RBM44: variants seen among roughly 807,000 people sequenced by gnomAD.
The protein encoded by RBM44 is RNA binding motif protein 44.
RBM44 carries 66 observed loss-of-function variants against 105.1 expected under a neutral mutation model. That is an observed-to-expected ratio of 0.63 (90% CI 0.52 to 0.77). RBM44 has a LOEUF of 0.77. Ranked by LOEUF, RBM44 falls within the 30% of genes least tolerant of loss-of-function variation. The pLI is 0.00. For synonymous variants in RBM44, 365 were observed against 417.6 expected (o/e 0.87, Z 1.54); for missense variants, 1,122 against 1,207.8 (o/e 0.93, Z 1.05).
intron 10 of RBM44, among the ~76,000 whole-genome samples, chr2:237,826,303 T>C (rs2061847215): frequency 6.6e-6 from 1 of 152,160 alleles, no homozygotes; most frequent in African/African-American, 2.4e-5. Flanking sequence ...TGCTAGTAAT[T>C]TGAATCTCTA....
Position 237,817,921 on chromosome 2 carries a change from A to C in RBM44, c.1002A>C (p.Gln334His). The C allele has an allele frequency of 6.3e-7, 1 of 1,598,682 alleles. No homozygotes were observed. Among genetic ancestry groups the C allele is most frequent in the South Asian group, 1.1e-5 (1 of 88,726 alleles). Residue 334 changes from glutamine to histidine, a missense_variant, in exon 3 of 16, where the codon CAA becomes CAC. Physicochemically the swap from Gln to His is conservative, Grantham distance 24. This residue lies in a region of RBM44 where 918 missense variants were observed against 955.3 expected (regional missense o/e 0.96). Transcript: ENST00000316997. ...MKIYTENMKS[Q>H]INEGKDFCGN... ...TTTATACTGAAAACATGAAATCTCAAATAAATGAAGGTAAAGATTTTTGTG... is the reference window on the plus strand; with the variant it reads ...TTTATACTGAAAACATGAAATCTCACATAAATGAAGGTAAAGATTTTTGTG...
Position 237,818,480 on chromosome 2 carries a change from A to C in RBM44, c.1561A>C (p.Ser521Arg). The C allele has an allele frequency of 6.2e-7, 1 of 1,612,750 alleles. No homozygotes were observed. Among genetic ancestry groups the C allele is most frequent in the Non-Finnish European group, 8.5e-7 (1 of 1,179,302 alleles). Residue 521 changes from serine (S) to arginine (R), a missense_variant, in exon 3 of 16, where the codon AGT (serine) becomes CGT (arginine). This residue lies in a region of RBM44 where 918 missense variants were observed against 955.3 expected (regional missense o/e 0.96). Coordinates refer to ENST00000316997, the MANE Select transcript of RBM44 (RefSeq NM_001080504.3). The surrounding 1 kb of genome is among the most constrained non-coding windows in gnomAD (Gnocchi z 4.6). ...QNEKQKSVAC[S>R]TDWSYSEDCI... is the part of the protein sequence containing the mutation. ...TGAGAAACAAAAAAGTGTGGCTTGT[A>C]GTACAGATTGGTCATACAGTGAAGA...
chr2:237,829,066 C>A, intron 12 of RBM44, 151 bp from the exon 13 acceptor site: 1 of 538,650 alleles, frequency 1.9e-6, no homozygotes, highest in South Asian at 3.0e-5. Context: ...AATAAATATT[C>A]TTCTTAATCC....
In RBM44 at chr2:237,818,481, G is replaced by A; in HGVS notation, c.1562G>A (p.Ser521Asn). Residue 521 changes from serine (S) to asparagine (N), a missense_variant, in exon 3 of 16, where the codon AGT (serine) becomes AAT (asparagine). Coordinates refer to ENST00000316997, the MANE Select transcript of RBM44 (RefSeq NM_001080504.3). The surrounding 1 kb of genome is among the most constrained non-coding windows in gnomAD (Gnocchi z 4.6). Reference sequence around the variant, plus strand: ...GAGAAACAAAAAAGTGTGGCTTGTAGTACAGATTGGTCATACAGTGAAGAT... The same window carrying A: ...GAGAAACAAAAAAGTGTGGCTTGTAATACAGATTGGTCATACAGTGAAGAT... Reference protein sequence around the residue: ...QNEKQKSVACSTDWSYSEDCI... With the variant: ...QNEKQKSVACNTDWSYSEDCI... 5.0e-6 allele frequency: 8 copies of A among 1,612,636 alleles called. No homozygotes were observed. The highest frequency in any genetic ancestry group is 6.8e-6 in the Non-Finnish European group (8 of 1,179,284).
At position 237,818,219 on chromosome 2, in the gene RBM44, C is replaced by T. The variant is rs781030311; in HGVS notation, c.1300C>T (p.His434Tyr). 1 of 1,613,198 alleles carries T rather than the reference C, an allele frequency of 6.2e-7. No homozygotes were observed. Among genetic ancestry groups the T allele is most frequent in the South Asian group, 1.1e-5 (1 of 91,042 alleles). The change falls in exon 3 of 16, where the codon CAT becomes TAT. Residue 434 changes from histidine to tyrosine, a missense_variant. Coordinates refer to ENST00000316997, the MANE Select transcript of RBM44 (RefSeq NM_001080504.3). The surrounding 1 kb of genome is among the most constrained non-coding windows in gnomAD (Gnocchi z 4.6). Reference protein sequence around the residue: ...IEDNTSLKVAHSSTTKKTCFH... With the variant: ...IEDNTSLKVAYSSTTKKTCFH... ...AGATAATACGTCCCTAAAAGTTGCTCATAGCAGTACCACAAAGAAAACATG... is the reference window on the plus strand; with the variant it reads ...AGATAATACGTCCCTAAAAGTTGCTTATAGCAGTACCACAAAGAAAACATG...
rs200368198 is a variant in RBM44, at chr2:237,820,293, C to T, written c.1855C>T (p.Arg619Cys). 82 of 1,602,736 alleles carry T rather than the reference C, an allele frequency of 5.1e-5. No individual in the cohort carries two copies. In the East Asian group the frequency reaches 1.1e-3, roughly 22 times the overall value. The stretch of plus-strand genomic sequence containing the variant: ...TTTAAATGTTCACTATCAGATGTGT[C>T]GTCGCCATTGTTGTGATATTTACAA... Reference protein sequence around the residue: ...HLLNVHYQMCRRHCCDIYKLV... With the variant: ...HLLNVHYQMCCRHCCDIYKLV... Residue 619 changes from arginine (R) to cysteine (C), a missense_variant, in exon 5 of 16, where the codon CGT becomes TGT. Arg to Cys is a radical substitution (Grantham distance 180). Coordinates refer to ENST00000316997, the MANE Select transcript of RBM44 (RefSeq NM_001080504.3).
Position 237,813,582 on chromosome 2 carries a change from C to T in RBM44, c.-18-10C>T, listed in dbSNP as rs1271654258. On this transcript the variant is annotated splice_polypyrimidine_tract_variant and intron_variant, in intron 1 of 15. Coordinates refer to ENST00000316997, the MANE Select transcript of RBM44 (RefSeq NM_001080504.3). ...GTATAATAATAGTTCAATATTTATA[C>T]CTTTTCTAGATTATATATCTTTGAA... 2 of 1,437,786 alleles carry T rather than the reference C, an allele frequency of 1.4e-6. No homozygotes were observed. Among genetic ancestry groups the T allele is most frequent in the African/African-American group, 1.4e-5 (1 of 71,118 alleles). 89.1% of individuals were successfully genotyped at this position (1,437,786 alleles called of 1,614,324 possible). A position where few individuals can be genotyped will look rare whatever the true frequency, so the allele number is the denominator to read the frequency against.
At position 237,820,274 on chromosome 2, in the gene RBM44, T is replaced by C; in HGVS notation, c.1836T>C (p.Asn612=). ...TAAAAGCAGAGCTGCACCTTTTAAA[T>C]GTTCACTATCAGATGTGTCGTCGCC... ...RAIKAELHLL[N]VHYQMCRRHC... is the part of the protein sequence containing the mutation. The change falls in exon 5 of 16, where the codon AAT becomes AAC. Residue 612 remains asparagine, a synonymous_variant. Transcript: ENST00000316997. The C allele has an allele frequency of 6.2e-7, 1 of 1,603,990 alleles. No homozygotes were observed. The highest frequency in any genetic ancestry group is 8.5e-7 in the Non-Finnish European group (1 of 1,174,110).
rs1275841117 is a variant in RBM44 at position 237,818,382 on chromosome 2, C to T, written c.1463C>T (p.Pro488Leu). 6.2e-7 allele frequency: 1 copy of T among 1,611,472 alleles called. No homozygotes were observed. The highest frequency in any genetic ancestry group is 2.2e-5 in the East Asian group (1 of 44,736). The change falls in exon 3 of 16, where the codon CCT (proline) becomes CTT (leucine). Residue 488 changes from proline to leucine, a missense_variant. Transcript: ENST00000316997. The surrounding 1 kb of genome is among the most constrained non-coding windows in gnomAD (Gnocchi z 4.6). ...FTTSRATSARPSVVSTSSNTE... is the reference protein window; with the variant it reads ...FTTSRATSARLSVVSTSSNTE... ...ACCAGCAGGGCAACAAGTGCAAGAC[C>T]TTCTGTAGTATCTACATCAAGCAAC...
At chr2:237,811,587 C>T (rs2061658734) in intron 1 of RBM44, among the ~76,000 whole-genome samples, 1 of 151,812 alleles carries the variant, frequency 6.6e-6, no homozygotes. Flanking sequence ...CTCTTTGCTC[C>T]ATGGTTTGAT....
chr2:237,812,207 G>A (rs2061667227), intron 1 of RBM44, among the ~76,000 whole-genome samples: 1 of 152,100 alleles, frequency 6.6e-6, no homozygotes, highest in Non-Finnish European at 1.5e-5. Flanking sequence ...CTCCATTTTA[G>A]TTACCATTTT....
rs182474506 is a variant in RBM44 at position 237,817,319 on chromosome 2, G to A, written c.400G>A (p.Asp134Asn). The A allele has an allele frequency of 1.1e-3, 1,783 of 1,604,612 alleles. 2 individuals are homozygous for A. Among genetic ancestry groups the A allele is most frequent in the Admixed American group, 2.2e-3 (129 of 58,486 alleles). Residue 134 changes from aspartate to asparagine, a missense_variant, in exon 3 of 16, where the codon GAT (aspartate) becomes AAT (asparagine). Transcript: ENST00000316997. ...TCTTACTCCTTTAAGTTCAGAATTA[G>A]ATCCTGAAGTGCAGAAAAAAGAGGA... is the stretch of plus-strand genomic sequence containing the variant. The part of the protein sequence containing the change: ...ESLTPLSSEL[D>N]PEVQKKEEVF...
intron 13 of RBM44, 42 bp from the exon 14 acceptor site, chr2:237,833,955 G>A: frequency 8.3e-7 from 1 of 1,203,624 alleles, no homozygotes. Flanking sequence ...TTATGTAATG[G>A]TCCTTACTGA....
chr2:237,802,842 A>G (rs1436893232), intron 1 of RBM44, among the ~76,000 whole-genome samples: 1 of 152,262 alleles, frequency 6.6e-6, no homozygotes, highest in African/African-American at 2.4e-5. Flanking sequence ...GTAATAGGGT[A>G]GACATGTATT....
intron 15 of RBM44, chr2:237,834,907 G>A (rs1374239092): frequency 6.6e-6 from 1 of 152,626 alleles, no homozygotes; most frequent in East Asian, 1.9e-4. Context: ...AGAGCAAGAT[G>A]GAAGCTGCAT....
chr2:237,840,334 A>G (rs1411883700), intron 15 of RBM44, among the ~76,000 whole-genome samples: 2 of 152,196 alleles, frequency 1.3e-5, no homozygotes, highest in East Asian at 1.9e-4. Flanking sequence ...TCCCTATTCA[A>G]TAAATGGTGC....
At chr2:237,814,490 G>T (rs1431102930) in intron 2 of RBM44, among the ~76,000 whole-genome samples, 1 of 151,870 alleles carries the variant, frequency 6.6e-6, no homozygotes, top group Non-Finnish European at 1.5e-5. Flanking sequence ...TCCCAATAGG[G>T]TATTTTATGC....
chr2:237,811,693 A>AG (rs1449663215), intron 1 of RBM44, among the ~76,000 whole-genome samples: 1 of 151,848 alleles, frequency 6.6e-6, no homozygotes, highest in Non-Finnish European at 1.5e-5. Context: ...AAAAAAAAAA[A>AG]CTTTTCCTAG....
chr2:237,829,301 A>T lies in RBM44; in HGVS notation c.2685A>T (p.Ser895=), dbSNP rs1008653608. The part of the protein sequence containing the change: ...EMNGIEINGK[S]VNVWPVKILG... ...ATGGGATAGAAATAAATGGAAAGTCAGTAAATGTGTGGCCTGTTAAAATTC... is the reference window on the plus strand; with the variant it reads ...ATGGGATAGAAATAAATGGAAAGTCTGTAAATGTGTGGCCTGTTAAAATTC... The change falls in exon 13 of 16, where the codon TCA becomes TCT. Residue 895 remains serine, a synonymous_variant. Transcript: ENST00000316997. 1 of 1,613,342 alleles carries T rather than the reference A, an allele frequency of 6.2e-7. No individual in the cohort carries two copies. The highest frequency in any genetic ancestry group is 8.5e-7 in the Non-Finnish European group (1 of 1,179,376).
Sources: allele counts gnomAD v4.1 joint callset (sites outside exome capture counted in the v4.1 genomes callset), GRCh38; gene constraint gnomAD v4.1.1; regional missense constraint gnomAD v4.1.1; non-coding constraint Gnocchi (gnomAD v3.1); transcripts MANE v1.5; gene names NCBI Gene and HGNC (gene_info 2026-07-23, HGNC 2026-07-21).